Variants in HSD17B2 observed in about 807,000 individuals in gnomAD.
HSD17B2 encodes the protein 17-beta-hydroxysteroid dehydrogenase type 2.
In HSD17B2, 32 loss-of-function variants were observed where a neutral mutation model predicts 26.9. That is an observed-to-expected ratio of 1.19 (90% CI 0.90 to 1.60). The LOEUF (loss-of-function observed/expected upper bound fraction) is 1.60. Ranked by LOEUF, HSD17B2 falls within the 40% of genes most tolerant of loss-of-function variation. The pLI is 0.00. For synonymous variants in HSD17B2, 246 were observed against 186.7 expected, an observed-to-expected ratio of 1.32 and a Z score of -2.59; for missense variants, 613 against 468.6, an observed-to-expected ratio of 1.31 and a Z score of -2.85.
chr16:82,038,932 T>A (rs1913693257), intron 1 of HSD17B2, among the ~76,000 whole-genome samples: 1 of 152,034 alleles, frequency 6.6e-6, no homozygotes, highest in Non-Finnish European at 1.5e-5. Context: ...CACCAGTCAA[T>A]CATTAGTTAA....
chr16:82,047,942 G>T, intron 1 of HSD17B2, among the ~76,000 whole-genome samples: 1 of 152,210 alleles, frequency 6.6e-6, no homozygotes, highest in Middle Eastern at 3.2e-3. Flanking sequence ...TTTTTACAAT[G>T]AAGAGAAACC....
In HSD17B2 at chr16:82,098,373, T is replaced by C. The variant is rs755387304; in HGVS notation, c.1101T>C (p.Phe367=). ...ATGATTACTTTGCTAAAAGACATTT[T>C]GGCCAAGACAAGCCCATGCCCAGAG... ...GIYDYFAKRH[F]GQDKPMPRAL... Residue 367 remains phenylalanine, a synonymous_variant, in exon 5 of 5, where the codon TTT becomes TTC. Coordinates refer to ENST00000199936, the MANE Select transcript of HSD17B2 (RefSeq NM_002153.3). The C allele has an allele frequency of 1.7e-5, 27 of 1,614,000 alleles. No individual in the cohort carries two copies. In the Middle Eastern group the frequency reaches 8.2e-4, roughly 49 times the overall value.
intron 1 of HSD17B2, among the ~76,000 whole-genome samples, chr16:82,043,445 G>A (rs1269780453): frequency 5.6e-5 from 7 of 124,310 alleles, no homozygotes; most frequent in African/African-American, 3.8e-4. Flanking sequence ...AGCACTTTGG[G>A]AGGCCGAGGC....
chr16:82,064,901 A>G (rs967236823), intron 1 of HSD17B2, among the ~76,000 whole-genome samples: 4 of 152,100 alleles, frequency 2.6e-5, no homozygotes, highest in African/African-American at 9.7e-5. Context: ...CAGTCCCCCC[A>G]TTTGCTATTG....
chr16:82,053,458 A>T (rs4587969), intron 1 of HSD17B2, among the ~76,000 whole-genome samples: 7,858 of 152,058 alleles, frequency 0.052, 705 homozygotes, highest in African/African-American at 0.18. Context: ...TTTATTTATT[A>T]TTAAAGTAGC....
chr16:82,074,902 CT>C (rs1904293600), intron 3 of HSD17B2, among the ~76,000 whole-genome samples: 1 of 152,222 alleles, frequency 6.6e-6, no homozygotes, highest in Non-Finnish European at 1.5e-5. Flanking sequence ...AATATGCATT[CT>C]TCTCCTGAGC....
At chr16:82,060,612 G>T (rs1250109906) in intron 1 of HSD17B2, among the ~76,000 whole-genome samples, 3 of 152,224 alleles carry the variant, frequency 2.0e-5, no homozygotes, top group Non-Finnish European at 4.4e-5. Flanking sequence ...TGCCTATTCA[G>T]ATCACATCCT....
intron 2 of HSD17B2, among the ~76,000 whole-genome samples, chr16:82,069,590 T>A (rs780290946): frequency 5.3e-5 from 8 of 152,154 alleles, no homozygotes. Context: ...TGCCTCTGTC[T>A]CCCCACAAAT....
intron 3 of HSD17B2, among the ~76,000 whole-genome samples, chr16:82,074,466 TGTGTAAA>T (rs1220456892): frequency 5.3e-5 from 8 of 152,152 alleles, no homozygotes; most frequent in Admixed American, 3.3e-4. Context: ...GCCGGGAGTT[TGTGTAAA>T]GACAGAAACA....
intron 3 of HSD17B2, among the ~76,000 whole-genome samples, chr16:82,086,182 G>A (rs1904522340): frequency 1.3e-5 from 2 of 152,234 alleles, no homozygotes; most frequent in Middle Eastern, 6.8e-3. Flanking sequence ...ATACATAGAT[G>A]GGCATAGCAA....
At chr16:82,047,871 C>A (rs1913983261) in intron 1 of HSD17B2, among the ~76,000 whole-genome samples, 1 of 152,164 alleles carries the variant, frequency 6.6e-6, no homozygotes, top group African/African-American at 2.4e-5. Flanking sequence ...CCACAACAGG[C>A]TCAAGGAATG....
intron 1 of HSD17B2, among the ~76,000 whole-genome samples, chr16:82,050,043 T>C (rs543605913): frequency 6.6e-6 from 1 of 152,352 alleles, no homozygotes; most frequent in South Asian, 2.1e-4. Context: ...TGGTGTTTCT[T>C]TAGAGCGCCT....
chr16:82,093,605 A>C (rs1354169961), intron 4 of HSD17B2: 3 of 152,206 alleles, frequency 2.0e-5, no homozygotes, highest in Non-Finnish European at 1.5e-5. Flanking sequence ...CCCATGACAC[A>C]TGCTGCAGAG....
At chr16:82,038,856 T>G (rs1384239124) in intron 1 of HSD17B2, among the ~76,000 whole-genome samples, 1 of 152,024 alleles carries the variant, frequency 6.6e-6, no homozygotes, top group Non-Finnish European at 1.5e-5. Flanking sequence ...GGACGTGGGG[T>G]GGTGTGGATC....
chr16:82,044,766 T>C (rs948977284), intron 1 of HSD17B2, among the ~76,000 whole-genome samples: 6 of 152,242 alleles, frequency 3.9e-5, no homozygotes, highest in African/African-American at 9.6e-5. Flanking sequence ...TCCCTCCATA[T>C]TGCAGACAGC....
intron 3 of HSD17B2, among the ~76,000 whole-genome samples, chr16:82,082,215 C>CT (rs1443631063): frequency 1.4e-4 from 22 of 152,110 alleles, no homozygotes; most frequent in African/African-American, 5.1e-4. Context: ...CTTGCTGTCT[C>CT]TATCAGGCAG....
At chr16:82,077,772 AAAGG>A (rs1355938173) in intron 3 of HSD17B2, among the ~76,000 whole-genome samples, 3 of 151,886 alleles carry the variant, frequency 2.0e-5, no homozygotes, top group Non-Finnish European at 4.4e-5. Flanking sequence ...AGAAAGAAAG[AAAGG>A]AAGGAAGGAA....
intron 1 of HSD17B2, among the ~76,000 whole-genome samples, chr16:82,064,962 G>A (rs975260642): frequency 6.6e-6 from 1 of 152,228 alleles, no homozygotes; most frequent in Non-Finnish European, 1.5e-5. Context: ...TTTGGATCTT[G>A]CAGCCACAAT....
Position 82,035,409 on chromosome 16 carries a change from C to A in HSD17B2, c.-16C>A, listed in dbSNP as rs1436595909. ...CACTGGCCCTGAGCACTTGAAGGTG[C>A]AGCAAGTCACTGAGAATGAGCACTT... On this transcript the variant is annotated 5_prime_UTR_variant, in exon 1 of 5. Transcript: ENST00000199936. 1.2e-6 allele frequency: 2 copies of A among 1,604,306 alleles called. No homozygotes were observed.
Sources: gnomAD v4.1 joint callset for allele counts (sites outside exome capture counted in the v4.1 genomes callset) on GRCh38, gnomAD v4.1.1 for gene constraint, MANE v1.5 for transcripts, NCBI Gene and HGNC (gene_info 2026-07-23, HGNC 2026-07-21) for gene names.